NR1D2: variants seen among roughly 807,000 people sequenced by gnomAD.
NR1D2 encodes V-erbA-related protein 1-related.
Under a neutral mutation model 52.2 loss-of-function variants are expected in NR1D2, and 25 were observed. The ratio of observed to expected loss-of-function variants is 0.48; its 90% CI spans 0.35 to 0.67. The LOEUF (loss-of-function observed/expected upper bound fraction) is 0.67. NR1D2 is among the 30% of genes least tolerant of loss of function. The pLI is 0.01. For synonymous variants in NR1D2, 259 were observed against 230.1 expected, an observed-to-expected ratio of 1.13 and a Z score of -1.14; for missense variants, 681 against 707.2, an observed-to-expected ratio of 0.96 and a Z score of 0.42.
At chr3:23,958,182 G>A (rs1206210679) in intron 3 of NR1D2, among the ~76,000 whole-genome samples, 1 of 152,160 alleles carries the variant, frequency 6.6e-6, no homozygotes, top group Non-Finnish European at 1.5e-5. Context: ...GGTGTGTGGT[G>A]TAACACTTAC....
chr3:23,972,439 A>G (rs1404757619), intron 7 of NR1D2, among the ~76,000 whole-genome samples: 2 of 152,236 alleles, frequency 1.3e-5, no homozygotes, highest in Non-Finnish European at 2.9e-5. Flanking sequence ...TCCTAGTATC[A>G]TGGAAGGGGA....
chr3:23,959,117 A>C (rs753388168), intron 3 of NR1D2, among the ~76,000 whole-genome samples: 27 of 152,068 alleles, frequency 1.8e-4, no homozygotes, highest in Non-Finnish European at 3.1e-4. Context: ...AAAATACAAA[A>C]ATTAGCTGGG....
intron 6 of NR1D2, 79 bp from the exon 7 acceptor site, chr3:23,967,734 C>G (rs1042422152): frequency 1.8e-6 from 2 of 1,123,014 alleles, no homozygotes; most frequent in Admixed American, 2.4e-5. Flanking sequence ...TGATTCATAA[C>G]TGACTTGATT....
intron 1 of NR1D2, among the ~76,000 whole-genome samples, chr3:23,948,251 T>TGATC (rs1705824173): frequency 6.6e-6 from 1 of 152,214 alleles, no homozygotes; most frequent in Non-Finnish European, 1.5e-5. Context: ...ATTCAACCAG[T>TGATC]GATCCTGTAA....
intron 1 of NR1D2, among the ~76,000 whole-genome samples, chr3:23,954,143 A>G (rs1270056678): frequency 6.6e-6 from 1 of 152,174 alleles, no homozygotes; most frequent in East Asian, 1.9e-4. Flanking sequence ...TGGCACTACT[A>G]GAGGTGCTGG....
chr3:23,957,248 G>T (rs1706103360), intron 3 of NR1D2, among the ~76,000 whole-genome samples: 1 of 151,866 alleles, frequency 6.6e-6, no homozygotes, highest in Non-Finnish European at 1.5e-5. Flanking sequence ...TTCGCAAAGT[G>T]CTGGGATTAC....
intron 4 of NR1D2, among the ~76,000 whole-genome samples, chr3:23,961,531 G>C (rs1228251660): frequency 6.6e-6 from 1 of 151,524 alleles, no homozygotes; most frequent in Non-Finnish European, 1.5e-5. Context: ...GAATAGCTGG[G>C]ACTACAGGCG....
In NR1D2 at chr3:23,945,519, G is replaced by C; in HGVS notation, c.-60G>C. The C allele has an allele frequency of 1.8e-6, 2 of 1,082,122 alleles. No individual in the cohort carries two copies. The highest frequency in any genetic ancestry group is 2.3e-6 in the Non-Finnish European group (2 of 878,342). 67.0% of individuals were successfully genotyped at this position (1,082,122 alleles called of 1,614,324 possible). A position where few individuals can be genotyped will look rare whatever the true frequency, so the allele number is the denominator to read the frequency against. ...GGGGCGGCGCGGCGCTGAGGCGGCG[G>C]CGGCGGCGCTGCCCCCTCTGCGGGA... On this transcript the variant is annotated 5_prime_UTR_variant, in exon 1 of 8. Coordinates refer to ENST00000312521, the MANE Select transcript of NR1D2 (RefSeq NM_005126.5).
intron 4 of NR1D2, 94 bp downstream of exon 4, chr3:23,959,909 C>T (rs965439198): frequency 6.8e-6 from 8 of 1,171,816 alleles, no homozygotes; most frequent in African/African-American, 3.1e-5. Context: ...TTACCAAGGA[C>T]CCTCTTGTAT....
chr3:23,951,059 C>T (rs1705916175), intron 1 of NR1D2, among the ~76,000 whole-genome samples: 1 of 152,034 alleles, frequency 6.6e-6, no homozygotes, highest in African/African-American at 2.4e-5. Flanking sequence ...GCATGCGCCA[C>T]CACACCTGGC....
intron 7 of NR1D2, among the ~76,000 whole-genome samples, chr3:23,974,781 T>C (rs1706679843): frequency 6.6e-6 from 1 of 151,818 alleles, no homozygotes. Flanking sequence ...GTCTGAAAAA[T>C]TGTGACCCTC....
chr3:23,974,114 T>TTTA (rs1553599440), intron 7 of NR1D2, among the ~76,000 whole-genome samples: 4 of 147,878 alleles, frequency 2.7e-5, no homozygotes, highest in Admixed American at 6.8e-5. Context: ...TTTTTTTTTT[T>TTTA]AAGTAGAAGG....
chr3:23,953,634 A>G (rs983865352), intron 1 of NR1D2, among the ~76,000 whole-genome samples: 2 of 152,196 alleles, frequency 1.3e-5, no homozygotes, highest in South Asian at 2.1e-4. Flanking sequence ...GGATAGCCAC[A>G]TATGTCTTCT....
At chr3:23,956,211 T>G in intron 3 of NR1D2, 86 bp downstream of exon 3, 1 of 1,018,206 alleles carries the variant, frequency 9.8e-7, no homozygotes, top group East Asian at 2.4e-5. Flanking sequence ...CAATTGATAG[T>G]CTGAGAGACA....
intron 1 of NR1D2, 24 bp from the exon 2 acceptor site, chr3:23,954,513 T>C (rs1223030670): frequency 1.3e-6 from 2 of 1,599,760 alleles, no homozygotes; most frequent in African/African-American, 1.3e-5. Flanking sequence ...TATCTAATTA[T>C]GTGATTTTCC....
chr3:23,977,497 T>C lies in NR1D2; in HGVS notation c.*78T>C, dbSNP rs970033906. On this transcript the variant is annotated 3_prime_UTR_variant, in exon 8 of 8. Transcript: ENST00000312521. Reference sequence around the variant, plus strand: ...AATGCATATTTATATGTGTATACCATATGTGGAGATAGAAAAGACCTTTAA... The same window carrying C: ...AATGCATATTTATATGTGTATACCACATGTGGAGATAGAAAAGACCTTTAA... The C allele has an allele frequency of 3.8e-4, 344 of 895,086 alleles. No homozygotes were observed. Among genetic ancestry groups the C allele is most frequent in the Non-Finnish European group, 3.0e-4 (181 of 609,196 alleles). The allele number at this position is 895,086 out of a possible 1,614,324, so 55.4% of individuals were successfully genotyped here. A position where few individuals can be genotyped will look rare whatever the true frequency, so the allele number is the denominator to read the frequency against.
rs1706814022 is a variant in NR1D2 at position 23,979,196 on chromosome 3, T to TA, written c.*1780dup. 6.6e-6 allele frequency: 1 copy of TA among 152,128 alleles called. No individual in the cohort carries two copies. The highest frequency in any genetic ancestry group is 1.5e-5 in the Non-Finnish European group (1 of 67,964). 9.4% of individuals were successfully genotyped at this position (152,128 alleles called of 1,614,324 possible). A position where few individuals can be genotyped will look rare whatever the true frequency, so the allele number is the denominator to read the frequency against. On this transcript the variant is annotated 3_prime_UTR_variant, in exon 8 of 8. Coordinates refer to ENST00000312521, the MANE Select transcript of NR1D2 (RefSeq NM_005126.5). ...AAAAAAAGTTAAACCCTCTCATTAT[T>TA]AAAGAGGAAAGGCGATGGTGATGTC...
chr3:23,977,584 T>C lies in NR1D2; in HGVS notation c.*165T>C, dbSNP rs1262398759. The stretch of plus-strand genomic sequence containing the variant: ...CAATAGCTGTTCGGATTGAGAACTC[T>C]TCAGCCATGATTAGACGTTGACTGC... On this transcript the variant is annotated 3_prime_UTR_variant, in exon 8 of 8. Transcript: ENST00000312521. 6.7e-6 allele frequency: 3 copies of C among 446,636 alleles called. No homozygotes were observed. Among genetic ancestry groups the C allele is most frequent in the Non-Finnish European group, 1.2e-5 (3 of 257,076 alleles). 27.7% of individuals were successfully genotyped at this position (446,636 alleles called of 1,614,324 possible). A position where few individuals can be genotyped will look rare whatever the true frequency, so the allele number is the denominator to read the frequency against.
chr3:23,957,712 A>G (rs917181559), intron 3 of NR1D2, among the ~76,000 whole-genome samples: 1 of 151,904 alleles, frequency 6.6e-6, no homozygotes, highest in Non-Finnish European at 1.5e-5. Context: ...CGACAGAGCC[A>G]GATTCCGTCT....
Sources: gnomAD v4.1 joint callset for allele counts (sites outside exome capture counted in the v4.1 genomes callset) on GRCh38, gnomAD v4.1.1 for gene constraint, MANE v1.5 for transcripts, NCBI Gene and HGNC (gene_info 2026-07-23, HGNC 2026-07-21) for gene names.